The following LAMA3 variants were observed in gnomAD, a reference collection of about 807,000 sequenced individuals.
LAMA3 encodes laminin subunit alpha-3.
LAMA3 carries 281 observed loss-of-function variants against 402.0 expected under a neutral mutation model. The observed-to-expected ratio is 0.70, with a 90% CI of 0.63 to 0.77. The LOEUF is 0.77. Among genes scored for constraint, LAMA3 ranks in the 30% least tolerant of loss-of-function variants. The pLI, the probability that LAMA3 is intolerant of heterozygous loss-of-function variation, is 0.00. For synonymous variants in LAMA3, 1,431 were observed against 1,558.4 expected, an observed-to-expected ratio of 0.92 and a Z score of 1.93; for missense variants, 3,840 against 4,215.5, an observed-to-expected ratio of 0.91 and a Z score of 2.47.
At chr18:23,884,325 A>C (rs911040902) in intron 40 of LAMA3, among the ~76,000 whole-genome samples, 1 of 152,124 alleles carries the variant, frequency 6.6e-6, no homozygotes, top group African/African-American at 2.4e-5. Context: ...CTCCCCACCA[A>C]CTTTTCTTCC....
chr18:23,865,915 G>A lies in LAMA3; in HGVS notation c.4683+1032G>A, dbSNP rs372903855. Among the ~76,000 whole-genome samples the A allele has an allele frequency of 1.5e-4, 23 of 152,178 alleles. No homozygotes were observed. The East Asian group carries it at 3.1e-3, about 20-fold the overall frequency. ...GTTTGATGCTATAACAGGATTTTTA[G>A]TCTGCCTCCCTGGTTCAAGCAATTC... On this transcript the variant is annotated intron_variant, in intron 36 of 74. Coordinates refer to ENST00000313654, the MANE Select transcript of LAMA3 (RefSeq NM_198129.4).
At chr18:23,696,619 G>C (rs1001420519) in intron 1 of LAMA3, among the ~76,000 whole-genome samples, 2 of 152,120 alleles carry the variant, frequency 1.3e-5, no homozygotes. Flanking sequence ...TCCTGCCTCA[G>C]CCTCTCAAGT....
intron 14 of LAMA3, 60 bp from the exon 15 acceptor site, chr18:23,814,343 A>AG: frequency 8.0e-7 from 1 of 1,246,656 alleles, no homozygotes. Flanking sequence ...GCTCACGCAC[A>AG]GGTTTGAAAA....
At chr18:23,700,771 C>T (rs2145844515) in intron 1 of LAMA3, among the ~76,000 whole-genome samples, 1 of 152,216 alleles carries the variant, frequency 6.6e-6, no homozygotes, top group East Asian at 1.9e-4. Flanking sequence ...GATCTCAGCT[C>T]ACTGCAGCCT....
At chr18:23,904,512 A>C in intron 50 of LAMA3, 41 bp from the exon 51 acceptor site, 1 of 1,564,274 alleles carries the variant, frequency 6.4e-7, no homozygotes, top group Non-Finnish European at 8.7e-7. Flanking sequence ...CTGCTGGCAG[A>C]GGAAGGCTGT....
chr18:23,896,102 G>A (rs1408434595), intron 44 of LAMA3, among the ~76,000 whole-genome samples: 4 of 152,156 alleles, frequency 2.6e-5, no homozygotes, highest in Non-Finnish European at 5.9e-5. Flanking sequence ...TTGGGAGGCC[G>A]AGGCGGGTAG....
chr18:23,747,178 T>C (rs2061666630), intron 2 of LAMA3, among the ~76,000 whole-genome samples: 1 of 152,098 alleles, frequency 6.6e-6, no homozygotes. Flanking sequence ...CGTACCAGGC[T>C]CTTTGGGAAA....
At position 23,713,963 on chromosome 18, in the gene LAMA3, C is replaced by G. The variant is rs2061045166; in HGVS notation, c.338C>G (p.Ala113Gly). ...TGCAATTCTGAAGACCCCAGGAAAG[C>G]ACATCCTGTCACCAATGCCATCGAT... ...DYCNSEDPRK[A>G]HPVTNAIDGS... The change falls in exon 2 of 75, where the codon GCA (alanine) becomes GGA (glycine). Residue 113 changes from alanine to glycine, a missense_variant. Around this residue, in one of 3 missense-constraint regions of LAMA3, gnomAD observed 2,109 missense variants for 2,376.0 expected, o/e 0.89. Coordinates refer to ENST00000313654, the MANE Select transcript of LAMA3 (RefSeq NM_198129.4). 4 of 1,613,642 alleles carry G rather than the reference C, an allele frequency of 2.5e-6. No homozygotes were observed. The highest frequency in any genetic ancestry group is 3.4e-6 in the Non-Finnish European group (4 of 1,179,924).
At chr18:23,811,012 C>T (rs2063058977) in intron 13 of LAMA3, among the ~76,000 whole-genome samples, 1 of 152,138 alleles carries the variant, frequency 6.6e-6, no homozygotes, top group Non-Finnish European at 1.5e-5. Context: ...GGGACCGTGT[C>T]ATCGTACTTC....
chr18:23,932,140 T>G lies in LAMA3; in HGVS notation c.8577-20T>G, dbSNP rs373038565. ...TTTTCCAGCAGTTCTCACCCATGAT[T>G]TGCTTTTCTTCCCTTTCAGACTACG... On this transcript the variant is annotated intron_variant, in intron 65 of 74. Coordinates refer to ENST00000313654, the MANE Select transcript of LAMA3 (RefSeq NM_198129.4). 1 of 1,613,424 alleles carries G rather than the reference T, an allele frequency of 6.2e-7. No homozygotes were observed. Among genetic ancestry groups the G allele is most frequent in the Non-Finnish European group, 8.5e-7 (1 of 1,179,708 alleles).
At position 23,763,498 on chromosome 18, in the gene LAMA3, G is replaced by GT; in HGVS notation, c.1158dup (p.Gly387TrpfsTer6). On this transcript the variant is annotated frameshift_variant, in exon 8 of 75. Transcript: ENST00000313654. LOFTEE classifies it high-confidence loss of function. Reference sequence around the variant, plus strand: ...TTGAATACCCAGGGCATCTATGCTGGTGGAGGGGTCTGCATTAACTGTCAG... The same window carrying GT: ...TTGAATACCCAGGGCATCTATGCTGGTTGGAGGGGTCTGCATTAACTGTCAG... 1 of 1,610,436 alleles carries GT rather than the reference G, an allele frequency of 6.2e-7. No individual in the cohort carries two copies. Among genetic ancestry groups the GT allele is most frequent in the Non-Finnish European group, 8.5e-7 (1 of 1,176,644 alleles).
intron 24 of LAMA3, 122 bp downstream of exon 24, chr18:23,834,110 G>A (rs2063537889): frequency 5.3e-6 from 6 of 1,124,028 alleles, no homozygotes; most frequent in Admixed American, 5.2e-5. Context: ...TTGAAAACAA[G>A]CAGGTGACTA....
chr18:23,807,668 C>T (rs1270476299), intron 12 of LAMA3, among the ~76,000 whole-genome samples: 2 of 152,106 alleles, frequency 1.3e-5, no homozygotes, highest in Admixed American at 6.6e-5. Flanking sequence ...TTCCTTCTTC[C>T]TTGGTGGACA....
chr18:23,842,046 A>G (rs2063713183), intron 27 of LAMA3, among the ~76,000 whole-genome samples: 1 of 152,322 alleles, frequency 6.6e-6, no homozygotes. Flanking sequence ...CCAGAAGGCC[A>G]ATTCTGGGTT....
chr18:23,755,940 T>C (rs2143638894), intron 6 of LAMA3, among the ~76,000 whole-genome samples: 1 of 152,322 alleles, frequency 6.6e-6, no homozygotes, highest in East Asian at 1.9e-4. Context: ...GCAGTGCCAA[T>C]GGGACTCAGA....
At chr18:23,944,748 G>C (rs544892522) in intron 69 of LAMA3, among the ~76,000 whole-genome samples, 8 of 152,184 alleles carry the variant, frequency 5.3e-5, no homozygotes, top group Non-Finnish European at 8.8e-5. Flanking sequence ...AATGGAATTA[G>C]AGAGGAAGAC....
intron 67 of LAMA3, among the ~76,000 whole-genome samples, chr18:23,934,238 T>C (rs898776944): frequency 2.0e-5 from 3 of 152,218 alleles, no homozygotes; most frequent in Non-Finnish European, 4.4e-5. Flanking sequence ...CAGCAGGTCC[T>C]ATGTTTTTCT....
At chr18:23,742,299 CAT>C (rs2061577468) in intron 2 of LAMA3, among the ~76,000 whole-genome samples, 1 of 152,134 alleles carries the variant, frequency 6.6e-6, no homozygotes, top group African/African-American at 2.4e-5. Context: ...AAGGACAAAA[CAT>C]GTTGGGGGAC....
At chr18:23,758,556 C>G (rs1282316824) in intron 7 of LAMA3, 45 bp downstream of exon 7, 1 of 1,428,162 alleles carries the variant, frequency 7.0e-7, no homozygotes, top group Non-Finnish European at 9.8e-7. Context: ...CCTTCTCCCC[C>G]CTCTCCCTGG....
Sources: gnomAD v4.1 joint callset for allele counts (sites outside exome capture counted in the v4.1 genomes callset) on GRCh38, gnomAD v4.1.1 for gene constraint, gnomAD v4.1.1 regional missense constraint, MANE v1.5 for transcripts, NCBI Gene and HGNC (gene_info 2026-07-23, HGNC 2026-07-21) for gene names.